Variants in EYA4 observed in about 807,000 individuals in gnomAD.
The protein encoded by EYA4 is EYA transcriptional coactivator and phosphatase 4.
EYA4 carries 31 observed loss-of-function variants against 87.9 expected under a neutral mutation model. The observed-to-expected ratio is 0.35, with a 90% CI of 0.27 to 0.48. The LOEUF is 0.48. Ranked by LOEUF, EYA4 falls within the 20% of genes least tolerant of loss-of-function variation. The pLI, the probability that EYA4 is intolerant of heterozygous loss-of-function variation, is 0.99. For synonymous variants in EYA4, 263 were observed against 270.6 expected (o/e 0.97, Z 0.28); for missense variants, 678 against 761.4 (o/e 0.89, Z 1.29).
intron 1 of EYA4, among the ~76,000 whole-genome samples, chr6:133,269,386 G>A (rs574630521): frequency 7.2e-5 from 11 of 151,914 alleles, no homozygotes; most frequent in Admixed American, 6.6e-4. Context: ...GCTTTTCTTC[G>A]AAATGATGCT....
chr6:133,515,809 G>T (rs904986514), intron 17 of EYA4, among the ~76,000 whole-genome samples: 2 of 152,152 alleles, frequency 1.3e-5, no homozygotes. Context: ...AAGTACAAGG[G>T]GGTGATGGCA....
intron 19 of EYA4, chr6:133,525,888 T>C: frequency 1.0e-6 from 1 of 985,282 alleles, no homozygotes; most frequent in South Asian, 4.7e-5. Context: ...TTGCACCAAC[T>C]TGTCTTAGCC....
Position 133,381,479 on chromosome 6 carries a change from A to G in EYA4, c.34-913A>G, listed in dbSNP as rs562911248. On this transcript the variant is annotated intron_variant, in intron 2 of 19. Coordinates refer to ENST00000355286, the MANE Select transcript of EYA4 (RefSeq NM_004100.5). ...AATTCACATTGCACACATGTTCCTC[A>G]TGGTATATATTCAGTAGAATTTTTT... 1.2e-4 allele frequency among the ~76,000 whole-genome samples: 19 copies of G among 152,238 alleles called. No individual in the cohort carries two copies. The East Asian group carries it at 3.7e-3, about 29-fold the overall frequency.
chr6:133,420,909 C>T lies in EYA4; in HGVS notation c.84-25721C>T, dbSNP rs188391664. Among the ~76,000 whole-genome samples the T allele has an allele frequency of 2.0e-5, 3 of 152,356 alleles. No individual in the cohort carries two copies. The East Asian group carries it at 5.8e-4, about 29-fold the overall frequency. On this transcript the variant is annotated intron_variant, in intron 3 of 19. Transcript: ENST00000355286. ...GGTCCTGCAGTAGTTCAAGGACCTG[C>T]TGCACACTGTATACAGAATAGGGTA...
intron 5 of EYA4, 108 bp from the exon 6 acceptor site, chr6:133,456,448 G>T (rs974260222): frequency 2.8e-4 from 228 of 820,458 alleles, no homozygotes; most frequent in Admixed American, 9.4e-4. Flanking sequence ...AACTTCTCAG[G>T]TTTTCTCTTG....
chr6:133,323,927 T>G (rs1781295892), intron 2 of EYA4, among the ~76,000 whole-genome samples: 1 of 152,148 alleles, frequency 6.6e-6, no homozygotes, highest in African/African-American at 2.4e-5. Flanking sequence ...TATCTGGATA[T>G]CTGGGTGGTC....
chr6:133,356,638 T>G (rs926108694), intron 2 of EYA4, among the ~76,000 whole-genome samples: 2 of 151,918 alleles, frequency 1.3e-5, no homozygotes, highest in African/African-American at 4.8e-5. Context: ...AGCCTTATAA[T>G]AAGATATAAG....
At position 133,461,256 on chromosome 6, in the gene EYA4, T is replaced by C. The variant is rs529053261; in HGVS notation, c.437+76T>C. 1,230 of 1,041,022 alleles carry C rather than the reference T, an allele frequency of 1.2e-3. 2 individuals carry two copies. Among genetic ancestry groups the C allele is most frequent in the Non-Finnish European group, 1.7e-3 (1,114 of 657,950 alleles). The allele number at this position is 1,041,022 out of a possible 1,614,324, so 64.5% of individuals were successfully genotyped here. On this transcript the variant is annotated intron_variant, in intron 7 of 19. Coordinates refer to ENST00000355286, the MANE Select transcript of EYA4 (RefSeq NM_004100.5). ...ACATGTTTTATAGATGGTTGGATAA[T>C]ACTTGGATAGATTACATATATAGAT...
At chr6:133,481,666 C>A in intron 12 of EYA4, 67 bp downstream of exon 12, 1 of 1,526,374 alleles carries the variant, frequency 6.6e-7, no homozygotes, top group Non-Finnish European at 9.1e-7. Flanking sequence ...CATTCTCTAT[C>A]TTACAGTTCC....
In EYA4 at chr6:133,305,641, G is replaced by GCTATCATTT. The variant is rs1779746005; in HGVS notation, c.33+30828_33+30829insCTATCATTT. ...ATAATAATTGCTATCATTTAGCCAA[G>GCTATCATTT]AGCATTCATGGTGAGTTAGCATTGT... On this transcript the variant is annotated intron_variant, in intron 2 of 19. Coordinates refer to ENST00000355286, the MANE Select transcript of EYA4 (RefSeq NM_004100.5). Among the ~76,000 whole-genome samples, 6 of 152,230 alleles carry GCTATCATTT rather than the reference G, an allele frequency of 3.9e-5. No individual in the cohort carries two copies. The South Asian group carries it at 1.2e-3, about 32-fold the overall frequency.
Position 133,529,329 on chromosome 6 carries a change from CAGCTG to C in EYA4, c.*526_*530del, listed in dbSNP as rs1800867496. The C allele has an allele frequency of 1.0e-6, 1 of 992,854 alleles. No homozygotes were observed. Among genetic ancestry groups the C allele is most frequent in the Admixed American group, 5.5e-5 (1 of 18,120 alleles). The allele number at this position is 992,854 out of a possible 1,614,324, so 61.5% of individuals were successfully genotyped here. On this transcript the variant is annotated 3_prime_UTR_variant, in exon 20 of 20. Transcript: ENST00000355286. ...AAATAATTTACTGTGACTTTATTAGCAGCTGACTTTCAAAGTGGATGCAATTTTTC... is the reference window on the plus strand; with the variant it reads ...AAATAATTTACTGTGACTTTATTAGCACTTTCAAAGTGGATGCAATTTTTC...
chr6:133,506,063 C>CT (rs1182171692), intron 13 of EYA4, 43 bp from the exon 14 acceptor site: 1 of 1,120,900 alleles, frequency 8.9e-7, no homozygotes, highest in Non-Finnish European at 1.4e-6. Flanking sequence ...ATAATAAGCG[C>CT]TTACTGAAAT....
At chr6:133,292,039 G>GA (rs1471387988) in intron 2 of EYA4, among the ~76,000 whole-genome samples, 1 of 152,072 alleles carries the variant, frequency 6.6e-6, no homozygotes, top group Non-Finnish European at 1.5e-5. Context: ...ATTTGTGACT[G>GA]AAAATCTTTG....
chr6:133,304,482 G>A (rs1379146310), intron 2 of EYA4, among the ~76,000 whole-genome samples: 1 of 152,270 alleles, frequency 6.6e-6, no homozygotes, highest in East Asian at 1.9e-4. Context: ...AGACTGAAGG[G>A]CTGGCTTTAA....
chr6:133,436,247 C>A (rs1791669083), intron 3 of EYA4, among the ~76,000 whole-genome samples: 2 of 151,840 alleles, frequency 1.3e-5, no homozygotes, highest in South Asian at 4.1e-4. Context: ...AAGAAATTTC[C>A]ACATGCATTT....
At chr6:133,247,553 A>G (rs1562202071) in intron 1 of EYA4, 1 of 152,198 alleles carries the variant, frequency 6.6e-6, no homozygotes, top group Non-Finnish European at 1.5e-5. Context: ...AATACATTCA[A>G]TTTATCTGGT....
intron 2 of EYA4, among the ~76,000 whole-genome samples, chr6:133,366,463 A>G (rs987032545): frequency 1.3e-5 from 2 of 152,180 alleles, no homozygotes; most frequent in African/African-American, 4.8e-5. Flanking sequence ...GCACTAGATG[A>G]ATTATCCAGT....
intron 13 of EYA4, among the ~76,000 whole-genome samples, chr6:133,494,926 T>A (rs1160302636): frequency 1.3e-5 from 2 of 152,168 alleles, no homozygotes; most frequent in Non-Finnish European, 2.9e-5. Context: ...AGGTGATGGA[T>A]ACCCCATTTA....
chr6:133,490,857 G>A (rs1731587926), intron 13 of EYA4, among the ~76,000 whole-genome samples: 1 of 152,028 alleles, frequency 6.6e-6, no homozygotes, highest in Non-Finnish European at 1.5e-5. Flanking sequence ...TAGACCAAAT[G>A]GACCTAATAG....
Sources: gnomAD v4.1 joint callset for allele counts (sites outside exome capture counted in the v4.1 genomes callset) on GRCh38, gnomAD v4.1.1 for gene constraint, MANE v1.5 for transcripts, NCBI Gene and HGNC (gene_info 2026-07-23, HGNC 2026-07-21) for gene names.